PAFAH2: variants seen among roughly 807,000 people sequenced by gnomAD.
PAFAH2 encodes platelet-activating factor acetylhydrolase 2, cytoplasmic.
Under a neutral mutation model 49.0 loss-of-function variants are expected in PAFAH2, and 42 were observed. The observed-to-expected ratio is 0.86, with a 90% CI of 0.67 to 1.11. The LOEUF (loss-of-function observed/expected upper bound fraction) is 1.11, where lower values mean the gene tolerates loss of function less well. PAFAH2 is among the 50% of genes least tolerant of loss of function. The pLI is 0.00. For synonymous variants in PAFAH2, 184 were observed against 181.3 expected (o/e 1.01, Z -0.12); for missense variants, 503 against 501.8 (o/e 1.00, Z -0.02).
intron 4 of PAFAH2, among the ~76,000 whole-genome samples, chr1:25,985,842 C>T (rs1290885810): frequency 1.3e-5 from 2 of 152,236 alleles, no homozygotes; most frequent in South Asian, 2.1e-4. Context: ...CTAGCAGATG[C>T]GATTTCCTCG....
chr1:25,968,756 G>A (rs2049465321), intron 10 of PAFAH2, among the ~76,000 whole-genome samples: 1 of 152,048 alleles, frequency 6.6e-6, no homozygotes, highest in African/African-American at 2.4e-5. Flanking sequence ...TTGAGACAGG[G>A]TCTCACTGTG....
At position 25,974,371 on chromosome 1, in the gene PAFAH2, A is replaced by T. The variant is rs567372120; in HGVS notation, c.929+109T>A. ...AGACTTTGCAATTCAGGAAGTATTC[A>T]GGTATCCTACTAATGGGTAGAAAGT... On this transcript the variant is annotated intron_variant, in intron 9 of 10. Coordinates refer to ENST00000374282, the MANE Select transcript of PAFAH2 (RefSeq NM_000437.4). 5.0e-6 allele frequency: 4 copies of T among 807,616 alleles called. No individual in the cohort carries two copies. The South Asian group carries it at 9.7e-5, about 20-fold the overall frequency. The allele number at this position is 807,616 out of a possible 1,614,324, so 50.0% of individuals were successfully genotyped here. A position where few individuals can be genotyped will look rare whatever the true frequency, so the allele number is the denominator to read the frequency against.
chr1:25,972,983 C>G (rs889343860), intron 9 of PAFAH2, among the ~76,000 whole-genome samples: 2 of 152,122 alleles, frequency 1.3e-5, no homozygotes, highest in Admixed American at 6.6e-5. Context: ...GACTACAATG[C>G]CTGGCAGTGC....
chr1:25,995,811 G>C (rs1054751568), intron 1 of PAFAH2, among the ~76,000 whole-genome samples: 1 of 152,074 alleles, frequency 6.6e-6, no homozygotes, highest in African/African-American at 2.4e-5. Context: ...TTTTTTTGTA[G>C]ACCAAACTGT....
In PAFAH2 at chr1:25,973,705, C is replaced by T. The variant is rs545366934; in HGVS notation, c.929+775G>A. ...TGGCCATACTGCCGGCCCCAGTGCT[C>T]GAGGGCTCTGGATTTGGCACTTCAA... On this transcript the variant is annotated intron_variant, in intron 9 of 10. Coordinates refer to ENST00000374282, the MANE Select transcript of PAFAH2 (RefSeq NM_000437.4). Among the ~76,000 whole-genome samples the T allele has an allele frequency of 6.6e-5, 10 of 152,286 alleles. No homozygotes were observed. The East Asian group carries it at 1.5e-3, about 24-fold the overall frequency.
Position 25,960,335 on chromosome 1 carries a change from T to C in PAFAH2, c.*1654A>G, listed in dbSNP as rs1039000062. 2.0e-5 allele frequency: 3 copies of C among 152,690 alleles called. No individual in the cohort carries two copies. Among genetic ancestry groups the C allele is most frequent in the African/African-American group, 7.2e-5 (3 of 41,448 alleles). The allele number at this position is 152,690 out of a possible 1,614,324, so 9.5% of individuals were successfully genotyped here. On this transcript the variant is annotated 3_prime_UTR_variant, in exon 11 of 11. Coordinates refer to ENST00000374282, the MANE Select transcript of PAFAH2 (RefSeq NM_000437.4). Reference sequence around the variant, plus strand: ...GCATTTCCCTTTTGCTCTTACCTACTTGGACTGAGGCACGAAGTCTTGAGT... The same window carrying C: ...GCATTTCCCTTTTGCTCTTACCTACCTGGACTGAGGCACGAAGTCTTGAGT...
At chr1:25,980,175 T>C (rs2049661195) in intron 7 of PAFAH2, among the ~76,000 whole-genome samples, 1 of 152,258 alleles carries the variant, frequency 6.6e-6, no homozygotes, top group Admixed American at 6.5e-5. Context: ...CATGTTTGAC[T>C]CTACCACTTA....
chr1:25,979,335 T>G (rs1271215222), intron 7 of PAFAH2, among the ~76,000 whole-genome samples: 1 of 151,608 alleles, frequency 6.6e-6, no homozygotes, highest in Non-Finnish European at 1.5e-5. Flanking sequence ...TTTTTTTTTT[T>G]GAGATAGTCT....
chr1:25,977,193 T>G (rs1051272034), intron 7 of PAFAH2, among the ~76,000 whole-genome samples: 3 of 150,830 alleles, frequency 2.0e-5, no homozygotes, highest in African/African-American at 7.3e-5. Context: ...CGGCTAATTT[T>G]TTGTATTTTT....
At chr1:25,984,372 G>A (rs2049745957) in intron 5 of PAFAH2, 88 bp downstream of exon 5, 7 of 1,003,946 alleles carry the variant, frequency 7.0e-6, no homozygotes, top group East Asian at 5.1e-5. Context: ...CACGGTTGTC[G>A]AGAGGGTTAG....
At position 25,976,889 on chromosome 1, in the gene PAFAH2, A is replaced by AGTGTTG; in HGVS notation, c.667-117_667-116insCAACAC. Reference sequence around the variant, plus strand: ...ATGAGGCCAAAGGCACAATACAGCAAGTGAGTCCACCAACACCACACTGTC... The same window carrying AGTGTTG: ...ATGAGGCCAAAGGCACAATACAGCAAGTGTTGGTGAGTCCACCAACACCACACTGTC... On this transcript the variant is annotated intron_variant, in intron 7 of 10. Transcript: ENST00000374282. The AGTGTTG allele has an allele frequency of 1.0e-5, 7 of 701,090 alleles. No individual in the cohort carries two copies. In the South Asian group the frequency reaches 1.2e-4, roughly 12 times the overall value. 43.4% of individuals were successfully genotyped at this position (701,090 alleles called of 1,614,324 possible).
intron 6 of PAFAH2, 23 bp from the exon 7 acceptor site, chr1:25,982,500 G>GT (rs2049706220): frequency 6.5e-7 from 1 of 1,549,210 alleles, no homozygotes; most frequent in Admixed American, 1.7e-5. Flanking sequence ...CAGTCCCAGT[G>GT]GGACTGGAAC....
At chr1:25,994,990 T>C (rs1172519675) in intron 1 of PAFAH2, among the ~76,000 whole-genome samples, 3 of 152,208 alleles carry the variant, frequency 2.0e-5, no homozygotes, top group Non-Finnish European at 4.4e-5. Context: ...AAAAATCCAA[T>C]CTGAGTTGCA....
In PAFAH2 at chr1:25,976,730, A is replaced by G. The variant is rs370208668; in HGVS notation, c.710T>C (p.Phe237Ser). The G allele has an allele frequency of 2.1e-5, 34 of 1,614,114 alleles. No homozygotes were observed. The highest frequency in any genetic ancestry group is 2.8e-5 in the Non-Finnish European group (33 of 1,180,046). ...MSRVAVMGHS[F>S]GGATAILALA... is the part of the protein sequence containing the mutation. ...AGCCAGAATAGCTGTGGCCCCTCCAAATGAATGTCCCATCACAGCCACACG... is the reference window on the plus strand; with the variant it reads ...AGCCAGAATAGCTGTGGCCCCTCCAGATGAATGTCCCATCACAGCCACACG... Residue 237 changes from phenylalanine to serine, a missense_variant, in exon 8 of 11, where the codon TTT (phenylalanine) becomes TCT (serine). By Grantham distance (155) the Phe-to-Ser change is radical (BLOSUM62 -2). Coordinates refer to ENST00000374282, the MANE Select transcript of PAFAH2 (RefSeq NM_000437.4).
chr1:25,996,566 C>A (rs1298282153), intron 1 of PAFAH2, among the ~76,000 whole-genome samples: 1 of 151,704 alleles, frequency 6.6e-6, no homozygotes, highest in Non-Finnish European at 1.5e-5. Flanking sequence ...GGCGTGAACC[C>A]GGGAGGCGGA....
At chr1:25,975,911 C>A (rs570641308) in intron 8 of PAFAH2, among the ~76,000 whole-genome samples, 17 of 152,246 alleles carry the variant, frequency 1.1e-4, no homozygotes, top group Non-Finnish European at 2.2e-4. Context: ...TTACCCTGGC[C>A]AGATGACCCT....
At position 25,960,322 on chromosome 1, in the gene PAFAH2, T is replaced by C. The variant is rs1297650543; in HGVS notation, c.*1667A>G. 6.5e-6 allele frequency: 1 copy of C among 152,682 alleles called. No individual in the cohort carries two copies. Among genetic ancestry groups the C allele is most frequent in the African/African-American group, 2.4e-5 (1 of 41,452 alleles). 9.5% of individuals were successfully genotyped at this position (152,682 alleles called of 1,614,324 possible). A position where few individuals can be genotyped will look rare whatever the true frequency, so the allele number is the denominator to read the frequency against. On this transcript the variant is annotated 3_prime_UTR_variant, in exon 11 of 11. Coordinates refer to ENST00000374282, the MANE Select transcript of PAFAH2 (RefSeq NM_000437.4). ...ATTGTGTAGAGATGCATTTCCCTTT[T>C]GCTCTTACCTACTTGGACTGAGGCA...
At chr1:25,968,551 T>A (rs961770129) in intron 10 of PAFAH2, among the ~76,000 whole-genome samples, 1 of 152,072 alleles carries the variant, frequency 6.6e-6, no homozygotes, top group Admixed American at 6.6e-5. Flanking sequence ...CCAGTCTTCA[T>A]AGAAGATCAT....
intron 8 of PAFAH2, 138 bp from the exon 9 acceptor site, chr1:25,974,788 G>C: frequency 1.5e-6 from 1 of 661,138 alleles, no homozygotes; most frequent in Admixed American, 3.1e-5. Flanking sequence ...CAGGGCCCAC[G>C]GCCTTCAGTC....
Sources: gnomAD v4.1 joint callset for allele counts (sites outside exome capture counted in the v4.1 genomes callset) on GRCh38, gnomAD v4.1.1 for gene constraint, MANE v1.5 for transcripts, NCBI Gene and HGNC (gene_info 2026-07-23, HGNC 2026-07-21) for gene names.